RNF212B: variants seen among roughly 807,000 people sequenced by gnomAD.
RNF212B encodes E3 ubiquitin-protein ligase RNF212B.
Under a neutral mutation model 55.5 loss-of-function variants are expected in RNF212B, and 52 were observed. The observed-to-expected ratio is 0.94, with a 90% confidence interval of 0.75 to 1.18. The LOEUF (loss-of-function observed/expected upper bound fraction) is 1.18. RNF212B is among the 50% of genes most tolerant of loss of function. The pLI, the probability that RNF212B is intolerant of heterozygous loss-of-function variation, is 0.00. For synonymous variants in RNF212B, 99 were observed against 121.4 expected (o/e 0.82, Z 1.21); for missense variants, 289 against 350.4 (o/e 0.82, Z 1.40).
chr14:23,199,924 G>GA (rs937162239), intron 2 of RNF212B, among the ~76,000 whole-genome samples: 6 of 148,686 alleles, frequency 4.0e-5, no homozygotes, highest in Admixed American at 6.7e-5. Flanking sequence ...AAAAAGAAGG[G>GA]AAAAAAAAGA....
chr14:23,230,328 T>G (rs1882476886), intron 2 of RNF212B, among the ~76,000 whole-genome samples: 1 of 152,202 alleles, frequency 6.6e-6, no homozygotes, highest in African/African-American at 2.4e-5. Flanking sequence ...TTATTTATTT[T>G]TCTTCTGTTG....
intron 2 of RNF212B, among the ~76,000 whole-genome samples, chr14:23,232,847 A>G (rs178761): frequency 0.44 from 54,318 of 122,882 alleles, 12,111 homozygotes; most frequent in African/African-American, 0.66. Flanking sequence ...GCCTCTGCCC[A>G]GCTGCCCCGT....
chr14:23,243,453 TG>T, intron 3 of RNF212B, 145 bp downstream of exon 3: 1 of 725,408 alleles, frequency 1.4e-6, no homozygotes, highest in South Asian at 1.9e-5. Flanking sequence ...CCCAGCACTT[TG>T]GGAGGTCAAG....
intron 4 of RNF212B, among the ~76,000 whole-genome samples, chr14:23,250,667 T>A (rs765339031): frequency 1.3e-5 from 2 of 152,068 alleles, no homozygotes; most frequent in Non-Finnish European, 2.9e-5. Context: ...CTCAGTTAAT[T>A]TAGAAAGTTT....
At position 23,272,819 on chromosome 14, in the gene RNF212B, G is replaced by A; in HGVS notation, c.835-4G>A. ...CACATCTACCTTCTTGTCCTCTGCT[G>A]CAGACTCTCTACCAACAACGGAGGC... is the stretch of plus-strand genomic sequence containing the variant. On this transcript the variant is annotated splice_polypyrimidine_tract_variant and splice_region_variant and intron_variant, in intron 14 of 14. Transcript: ENST00000430154. The A allele has an allele frequency of 2.6e-6, 4 of 1,546,214 alleles. No individual in the cohort carries two copies. The highest frequency in any genetic ancestry group is 3.5e-6 in the Non-Finnish European group (4 of 1,143,580).
At chr14:23,214,383 A>G (rs142255720) in intron 2 of RNF212B, among the ~76,000 whole-genome samples, 6,977 of 152,148 alleles carry the variant, frequency 0.046, 574 homozygotes, top group African/African-American at 0.16. Context: ...AATCTCAGCT[A>G]CTTGGGAGGC....
upstream of RNF212B, among the ~76,000 whole-genome samples, chr14:23,236,560 A>G (rs1437114377): frequency 6.6e-6 from 1 of 152,086 alleles, no homozygotes; most frequent in Non-Finnish European, 1.5e-5. Context: ...ACCCCAAACA[A>G]CAACAACAAA....
upstream of RNF212B, among the ~76,000 whole-genome samples, chr14:23,233,034 A>G (rs1053254924): frequency 6.6e-6 from 1 of 152,248 alleles, no homozygotes; most frequent in Non-Finnish European, 1.5e-5. Flanking sequence ...AGAAGTAGAC[A>G]TAGGAGACTC....
chr14:23,220,910 A>G (rs2140405418), intron 2 of RNF212B, among the ~76,000 whole-genome samples: 1 of 106,846 alleles, frequency 9.4e-6, no homozygotes, highest in East Asian at 2.8e-4. Flanking sequence ...CACCTTCACT[A>G]AAAGGAAGAG....
At chr14:23,262,128 C>T (rs1281568021) in intron 7 of RNF212B, among the ~76,000 whole-genome samples, 2 of 152,170 alleles carry the variant, frequency 1.3e-5, no homozygotes, top group Non-Finnish European at 2.9e-5. Context: ...TTCTATACTT[C>T]TGATAAGCCC....
chr14:23,208,352 T>C (rs1343616163), intron 2 of RNF212B, among the ~76,000 whole-genome samples: 3 of 152,002 alleles, frequency 2.0e-5, no homozygotes, highest in East Asian at 3.9e-4. Flanking sequence ...CATAAATTAG[T>C]CCAGAGTGAT....
At chr14:23,231,736 C>G (rs1882629078) in intron 2 of RNF212B, among the ~76,000 whole-genome samples, 2 of 152,156 alleles carry the variant, frequency 1.3e-5, no homozygotes, top group African/African-American at 4.8e-5. Flanking sequence ...CTGCAACCTC[C>G]CTGCCTGATT....
intron 5 of RNF212B, 46 bp downstream of exon 5, chr14:23,258,710 T>TTC: frequency 1.2e-6 from 1 of 849,094 alleles, no homozygotes; most frequent in Non-Finnish European, 1.8e-6. Context: ...TTTTTTTTTT[T>TTC]TTCTAAGAAG....
intron 7 of RNF212B, among the ~76,000 whole-genome samples, chr14:23,261,071 G>T (rs1013889542): frequency 3.3e-5 from 5 of 152,196 alleles, no homozygotes; most frequent in Non-Finnish European, 7.3e-5. Flanking sequence ...CTACCTTACT[G>T]CTGTGTCCGG....
rs769987550 is a variant in RNF212B, at chr14:23,262,642, G to A, written c.435-23G>A. 2.8e-5 allele frequency: 44 copies of A among 1,544,122 alleles called. No individual in the cohort carries two copies. The East Asian group carries it at 3.7e-4, about 13-fold the overall frequency. On this transcript the variant is annotated intron_variant, in intron 7 of 14. Coordinates refer to ENST00000430154, the MANE Select transcript of RNF212B (RefSeq NM_001282322.3). ...ACCTCTGCCTAGAGAGATTAGAGCC[G>A]CCTCTTTTTTTTTCCCTTGCAGGTC... is the stretch of plus-strand genomic sequence containing the variant.
intron 11 of RNF212B, among the ~76,000 whole-genome samples, chr14:23,266,269 T>C (rs901957266): frequency 6.6e-6 from 1 of 152,054 alleles, no homozygotes; most frequent in Non-Finnish European, 1.5e-5. Context: ...TATTTTCTAA[T>C]GTCCTTTGTG....
chr14:23,215,876 A>T (rs1055941913), intron 2 of RNF212B, among the ~76,000 whole-genome samples: 7 of 152,238 alleles, frequency 4.6e-5, no homozygotes, highest in African/African-American at 1.4e-4. Context: ...TTATCTAATT[A>T]TGTTTCATAT....
chr14:23,187,375 G>T (rs1247531286), intron 1 of RNF212B, among the ~76,000 whole-genome samples: 1 of 151,842 alleles, frequency 6.6e-6, no homozygotes, highest in African/African-American at 2.4e-5. Flanking sequence ...TAGAGACAAG[G>T]TCTCACTCTG....
chr14:23,253,366 CTTTTT>C (rs1005452837), intron 4 of RNF212B, among the ~76,000 whole-genome samples: 3 of 151,966 alleles, frequency 2.0e-5, no homozygotes, highest in African/African-American at 7.3e-5. Flanking sequence ...TCTCTTGTTT[CTTTTT>C]AAGTTATTAT....
Sources: gnomAD v4.1 joint callset for allele counts (sites outside exome capture counted in the v4.1 genomes callset) on GRCh38, gnomAD v4.1.1 for gene constraint, MANE v1.5 for transcripts, NCBI Gene and HGNC (gene_info 2026-07-23, HGNC 2026-07-21) for gene names.